FGD3: variants seen among roughly 807,000 people sequenced by gnomAD.
FGD3 encodes the protein FYVE, RhoGEF and PH domain containing 3.
Under a neutral mutation model 71.8 loss-of-function variants are expected in FGD3, and 45 were observed. The observed-to-expected ratio is 0.63, with a 90% CI of 0.49 to 0.80. The LOEUF (loss-of-function observed/expected upper bound fraction) is 0.80. Ranked by LOEUF, FGD3 falls within the 30% of genes least tolerant of loss-of-function variation. The pLI is 0.00. For synonymous variants in FGD3, 378 were observed against 392.8 expected (o/e 0.96, Z 0.44); for missense variants, 844 against 951.5 (o/e 0.89, Z 1.49).
chr9:93,011,419 G>T, intron 8 of FGD3, 147 bp downstream of exon 8: 1 of 927,722 alleles, frequency 1.1e-6, no homozygotes, highest in South Asian at 1.5e-5. Flanking sequence ...CATCCCCAGG[G>T]GGGTCAGCTG....
Position 93,006,019 on chromosome 9 carries a change from C to G in FGD3, c.681-5C>G. On this transcript the variant is annotated splice_polypyrimidine_tract_variant and splice_region_variant and intron_variant, in intron 5 of 17. Transcript: ENST00000375482. ...ATTTCTCTGATGATTCATTTCTCCA[C>G]GAAGGGACACAAACCCACGGCTCGG... 1 of 1,591,984 alleles carries G rather than the reference C, an allele frequency of 6.3e-7. No homozygotes were observed. The highest frequency in any genetic ancestry group is 8.6e-7 in the Non-Finnish European group (1 of 1,168,504).
intron 14 of FGD3, among the ~76,000 whole-genome samples, chr9:93,029,445 T>C (rs1156432952): frequency 6.6e-6 from 1 of 152,138 alleles, no homozygotes; most frequent in Non-Finnish European, 1.5e-5. Context: ...CGGTGCCCAG[T>C]ATAGAGCAGG....
chr9:93,004,165 G>T, intron 5 of FGD3, 28 bp downstream of exon 5: 1 of 1,611,172 alleles, frequency 6.2e-7, no homozygotes, highest in Non-Finnish European at 8.5e-7. Context: ...ATGCCCATGG[G>T]GCCCCTCAAG....
At chr9:93,000,971 C>T (rs1860836847) in intron 3 of FGD3, among the ~76,000 whole-genome samples, 2 of 151,964 alleles carry the variant, frequency 1.3e-5, no homozygotes, top group South Asian at 2.1e-4. Context: ...TCTCCTTGCT[C>T]TTCTTTCTTT....
intron 11 of FGD3, 30 bp from the exon 12 acceptor site, chr9:93,019,801 G>T: frequency 6.2e-7 from 1 of 1,610,842 alleles, no homozygotes; most frequent in South Asian, 1.1e-5. Context: ...TCCAAGACTG[G>T]ATTAATACAA....
intron 13 of FGD3, 79 bp downstream of exon 13, chr9:93,020,503 GT>G: frequency 7.8e-7 from 1 of 1,274,738 alleles, no homozygotes; most frequent in Non-Finnish European, 1.1e-6. Context: ...TGGCGTCTGG[GT>G]GGGCAGCTTG....
chr9:93,028,339 GAA>G (rs58386783), intron 14 of FGD3, among the ~76,000 whole-genome samples: 45,905 of 139,076 alleles, frequency 0.33, 7,604 homozygotes, highest in African/African-American at 0.44. Context: ...TTTTAAACAG[GAA>G]AAAAAAAAAA....
At chr9:93,034,830 C>A in intron 17 of FGD3, 149 bp downstream of exon 17, 2 of 955,322 alleles carry the variant, frequency 2.1e-6, no homozygotes, top group Non-Finnish European at 3.0e-6. Flanking sequence ...CGCAGGATTC[C>A]CTCTGCTTGC....
intron 1 of FGD3, among the ~76,000 whole-genome samples, chr9:92,966,973 T>G (rs139571657): frequency 0.043 from 6,476 of 150,246 alleles, 150 homozygotes; most frequent in Middle Eastern, 0.075. Context: ...TTTTTTTTTT[T>G]TGGGGGGGGA....
intron 1 of FGD3, among the ~76,000 whole-genome samples, chr9:92,950,553 C>T (rs1368446287): frequency 6.6e-6 from 1 of 152,202 alleles, no homozygotes; most frequent in African/African-American, 2.4e-5. Flanking sequence ...CTTGGCAGTC[C>T]TTGCTCACAG....
intron 1 of FGD3, among the ~76,000 whole-genome samples, chr9:92,971,721 G>A (rs1221388578): frequency 1.3e-5 from 2 of 151,266 alleles, no homozygotes; most frequent in Non-Finnish European, 3.0e-5. Context: ...GATTACAGGA[G>A]CCCACCACCA....
At chr9:92,993,868 A>G (rs908003792) in intron 3 of FGD3, among the ~76,000 whole-genome samples, 1 of 152,128 alleles carries the variant, frequency 6.6e-6, no homozygotes, top group Non-Finnish European at 1.5e-5. Context: ...TCTATTATTG[A>G]TGGACATTTG....
chr9:93,013,186 C>T (rs1267692009), intron 8 of FGD3, among the ~76,000 whole-genome samples: 1 of 152,250 alleles, frequency 6.6e-6, no homozygotes, highest in African/African-American at 2.4e-5. Flanking sequence ...CCCACTTGCA[C>T]CTACCTGCAT....
At chr9:92,962,813 C>G (rs1298134202) in intron 1 of FGD3, among the ~76,000 whole-genome samples, 2 of 151,904 alleles carry the variant, frequency 1.3e-5, no homozygotes, top group African/African-American at 2.4e-5. Flanking sequence ...TTGTGGTGGG[C>G]ACCTATAATC....
chr9:92,985,930 T>C lies in FGD3; in HGVS notation c.453+9221T>C, dbSNP rs540509973. On this transcript the variant is annotated intron_variant, in intron 3 of 17. Coordinates refer to ENST00000375482, the MANE Select transcript of FGD3 (RefSeq NM_001083536.2). ...GGAAAAAGGTAAAATGTGTCCCTTCTTACTTTCCTATTATCTTGAATAGGG... is the reference window on the plus strand; with the variant it reads ...GGAAAAAGGTAAAATGTGTCCCTTCCTACTTTCCTATTATCTTGAATAGGG... 1.2e-4 allele frequency among the ~76,000 whole-genome samples: 19 copies of C among 152,334 alleles called. No homozygotes were observed. In the South Asian group the frequency reaches 3.5e-3, roughly 28 times the overall value.
In FGD3 at chr9:92,949,335, C is replaced by T. The variant is rs556262708; in HGVS notation, c.-218+1606C>T. Reference sequence around the variant, plus strand: ...TGCTGTTGGGTGAAAGAGCTGAGGACTGCATTTTTGCTGTGTGTGACCTAT... The same window carrying T: ...TGCTGTTGGGTGAAAGAGCTGAGGATTGCATTTTTGCTGTGTGTGACCTAT... On this transcript the variant is annotated intron_variant, in intron 1 of 17. Transcript: ENST00000375482. 1.9e-4 allele frequency among the ~76,000 whole-genome samples: 29 copies of T among 152,294 alleles called. No individual in the cohort carries two copies. The South Asian group carries it at 6.0e-3, about 32-fold the overall frequency.
chr9:92,988,726 T>C (rs1860285967), intron 3 of FGD3, among the ~76,000 whole-genome samples: 3 of 152,368 alleles, frequency 2.0e-5, no homozygotes, highest in East Asian at 1.9e-4. Context: ...CCTTAGGCTA[T>C]GATAAATACA....
intron 12 of FGD3, 95 bp downstream of exon 12, chr9:93,019,956 G>A (rs1861849028): frequency 1.3e-5 from 17 of 1,313,776 alleles, no homozygotes; most frequent in East Asian, 2.3e-5. Context: ...CCTGGCCTCC[G>A]GGACTGCTGG....
In FGD3 at chr9:93,011,243, A is replaced by C; in HGVS notation, c.1006A>C (p.Asn336His). The C allele has an allele frequency of 6.2e-7, 1 of 1,614,172 alleles. No individual in the cohort carries two copies. Among genetic ancestry groups the C allele is most frequent in the Non-Finnish European group, 8.5e-7 (1 of 1,180,014 alleles). Residue 336 changes from asparagine to histidine, a missense_variant, in exon 8 of 18, where the codon AAC becomes CAC. By Grantham distance (68) the Asn-to-His change is moderately conservative. Transcript: ENST00000375482. ...CTTGGAGCTCATCTCCACAGCCGCCAACCACTCCAATGCTGCCATTCGGAA... is the reference window on the plus strand; with the variant it reads ...CTTGGAGCTCATCTCCACAGCCGCCCACCACTCCAATGCTGCCATTCGGAA... ...RSLELISTAA[N>H]HSNAAIRKVE...
Sources: gnomAD v4.1 joint callset for allele counts (sites outside exome capture counted in the v4.1 genomes callset) on GRCh38, gnomAD v4.1.1 for gene constraint, MANE v1.5 for transcripts, NCBI Gene and HGNC (gene_info 2026-07-23, HGNC 2026-07-21) for gene names.